DDR2: variants seen among roughly 807,000 people sequenced by gnomAD.
DDR2 encodes the protein discoidin domain-containing receptor 2.
DDR2 carries 27 observed loss-of-function variants against 94.9 expected under a neutral mutation model. That is an observed-to-expected ratio of 0.28 (90% confidence interval 0.21 to 0.39). DDR2 has a LOEUF of 0.39. DDR2 is among the 10% of genes least tolerant of loss of function. The pLI, the probability that DDR2 is intolerant of heterozygous loss-of-function variation, is 1.00. For missense variants in DDR2, 783 were observed against 1,076.0 expected (o/e 0.73, Z 3.81); for synonymous variants, 382 against 377.2 (o/e 1.01, Z -0.15).
chr1:162,662,605 T>C (rs570329286), intron 2 of DDR2, among the ~76,000 whole-genome samples: 36 of 152,302 alleles, frequency 2.4e-4, no homozygotes, highest in African/African-American at 7.7e-4. Flanking sequence ...ATTAGACATA[T>C]GTTTATTGCA....
rs200165734 is a variant in DDR2, at chr1:162,716,707, CTT to C, written c.-27-2317_-27-2316del. ...CAGTCAAAACCATCTGACTACATTGCTTTTTTTTTTTTTTAACCCCTCTGGGT... is the reference window on the plus strand; with the variant it reads ...CAGTCAAAACCATCTGACTACATTGCTTTTTTTTTTTTAACCCCTCTGGGT... On this transcript the variant is annotated intron_variant, in intron 2 of 17. Transcript: ENST00000367921. Among the ~76,000 whole-genome samples the C allele has an allele frequency of 2.0e-3, 285 of 141,282 alleles. 5 individuals carry two copies. The East Asian group carries it at 0.036, about 18-fold the overall frequency. 92.7% of individuals were successfully genotyped at this position (141,282 alleles called of 152,430 possible). A position where few individuals can be genotyped will look rare whatever the true frequency, so the allele number is the denominator to read the frequency against.
At chr1:162,711,304 A>T (rs1321291962) in intron 2 of DDR2, among the ~76,000 whole-genome samples, 1 of 152,210 alleles carries the variant, frequency 6.6e-6, no homozygotes, top group Non-Finnish European at 1.5e-5. Context: ...GAGTTTGGTA[A>T]GTAGATGGAA....
At chr1:162,726,917 G>C (rs1277900202) in intron 3 of DDR2, among the ~76,000 whole-genome samples, 1 of 151,284 alleles carries the variant, frequency 6.6e-6, no homozygotes, top group East Asian at 1.9e-4. Flanking sequence ...AGAACTCTAG[G>C]GGCTTCAAGC....
At chr1:162,671,791 T>C (rs1476107168) in intron 2 of DDR2, among the ~76,000 whole-genome samples, 3 of 152,196 alleles carry the variant, frequency 2.0e-5, no homozygotes, top group Admixed American at 6.5e-5. Context: ...ATTGTATTCT[T>C]CCTTCCCTTT....
chr1:162,646,913 C>A (rs1657438973), intron 1 of DDR2, among the ~76,000 whole-genome samples: 1 of 152,196 alleles, frequency 6.6e-6, no homozygotes, highest in African/African-American at 2.4e-5. Context: ...CTGCATTAGA[C>A]TGTGGATGCC....
chr1:162,733,583 A>G (rs887058203), intron 3 of DDR2, among the ~76,000 whole-genome samples: 27 of 152,128 alleles, frequency 1.8e-4, no homozygotes, highest in African/African-American at 6.5e-4. Flanking sequence ...CCTCATCCTT[A>G]TATTACTTTG....
intron 3 of DDR2, among the ~76,000 whole-genome samples, chr1:162,721,180 T>A (rs979383894): frequency 6.6e-6 from 1 of 152,194 alleles, no homozygotes; most frequent in Admixed American, 6.5e-5. Flanking sequence ...GTAAGCATAG[T>A]CATGGAGACT....
intron 2 of DDR2, among the ~76,000 whole-genome samples, chr1:162,682,344 C>T (rs1659451351): frequency 6.6e-6 from 1 of 152,226 alleles, no homozygotes; most frequent in Admixed American, 6.5e-5. Context: ...TTACCCACTG[C>T]CTGCCCAAAC....
intron 2 of DDR2, among the ~76,000 whole-genome samples, chr1:162,711,026 T>C (rs1660885871): frequency 6.6e-6 from 1 of 152,200 alleles, no homozygotes; most frequent in Non-Finnish European, 1.5e-5. Context: ...ATTTTCATTC[T>C]TCAGCAAAGT....
intron 2 of DDR2, among the ~76,000 whole-genome samples, chr1:162,663,507 G>A (rs1193931784): frequency 6.6e-6 from 1 of 152,180 alleles, no homozygotes; most frequent in Non-Finnish European, 1.5e-5. Context: ...GCAGATATTT[G>A]AGCAGAGTTG....
rs75593600 is a variant in DDR2, at chr1:162,677,321, T to A, written c.-28+21947T>A. On this transcript the variant is annotated intron_variant, in intron 2 of 17. Coordinates refer to ENST00000367921, the MANE Select transcript of DDR2 (RefSeq NM_006182.4). ...GGAAAACTTCAAATTTACTGAGGGT[T>A]TACTGTGGAAGACTTAGTCAAGAGG... Among the ~76,000 whole-genome samples, 1,271 of 152,288 alleles carry A rather than the reference T, an allele frequency of 8.3e-3. 19 individuals carry two copies. The highest frequency in any genetic ancestry group is 0.04 in the East Asian group (209 of 5,178).
intron 2 of DDR2, among the ~76,000 whole-genome samples, chr1:162,681,559 A>T (rs905576526): frequency 3.9e-5 from 6 of 152,182 alleles, no homozygotes; most frequent in Admixed American, 1.3e-4. Context: ...TATTTTTCAC[A>T]ATTCTGGAGG....
intron 1 of DDR2, among the ~76,000 whole-genome samples, chr1:162,646,733 C>A (rs1336433960): frequency 1.3e-5 from 2 of 152,192 alleles, no homozygotes; most frequent in African/African-American, 4.8e-5. Context: ...CTTTAATATG[C>A]ATCAGAATCA....
chr1:162,657,904 C>T (rs1255359780), intron 2 of DDR2, among the ~76,000 whole-genome samples: 1 of 152,056 alleles, frequency 6.6e-6, no homozygotes, highest in Admixed American at 6.6e-5. Context: ...CCAACGCCCC[C>T]ACCTCGGCTC....
chr1:162,733,571 A>G lies in DDR2; in HGVS notation c.82+14426A>G, dbSNP rs78658164. Among the ~76,000 whole-genome samples the G allele has an allele frequency of 5.1e-3, 781 of 152,278 alleles. 8 individuals carry two copies. The highest frequency in any genetic ancestry group is 0.018 in the African/African-American group (758 of 41,550). On this transcript the variant is annotated intron_variant, in intron 3 of 17. Coordinates refer to ENST00000367921, the MANE Select transcript of DDR2 (RefSeq NM_006182.4). ...CTAAGTTCTTATCTCTGAATTGTCT[A>G]TCCTCATCCTTATATTACTTTGTCA... is the stretch of plus-strand genomic sequence containing the variant.
chr1:162,684,168 A>G (rs1659547928), intron 2 of DDR2, among the ~76,000 whole-genome samples: 2 of 152,250 alleles, frequency 1.3e-5, no homozygotes, highest in African/African-American at 4.8e-5. Context: ...TTGGCCTTGC[A>G]CAAGTGAGTT....
intron 2 of DDR2, among the ~76,000 whole-genome samples, chr1:162,684,930 G>T (rs567000956): frequency 2.2e-4 from 33 of 151,692 alleles, no homozygotes; most frequent in African/African-American, 7.7e-4. Flanking sequence ...TTAAAAAGCA[G>T]GAAAATTTGA....
At chr1:162,697,868 C>G (rs1660260340) in intron 2 of DDR2, among the ~76,000 whole-genome samples, 1 of 152,162 alleles carries the variant, frequency 6.6e-6, no homozygotes, top group Non-Finnish European at 1.5e-5. Flanking sequence ...GATTTAAAGC[C>G]AGGCACCCTC....
At chr1:162,681,499 C>A (rs1369187717) in intron 2 of DDR2, among the ~76,000 whole-genome samples, 1 of 152,082 alleles carries the variant, frequency 6.6e-6, no homozygotes, top group African/African-American at 2.4e-5. Flanking sequence ...TATGTTGGAC[C>A]TGCTGTCACA....
Sources: allele counts gnomAD v4.1 joint callset (sites outside exome capture counted in the v4.1 genomes callset), GRCh38; gene constraint gnomAD v4.1.1; transcripts MANE v1.5; gene names NCBI Gene and HGNC (gene_info 2026-07-23, HGNC 2026-07-21).